The following GPC5 variants were observed in gnomAD, a reference collection of about 807,000 sequenced individuals.
GPC5 encodes the protein glypican-5.
A neutral mutation model predicts 53.9 loss-of-function variants in GPC5; 47 were observed. That is an observed-to-expected ratio of 0.87 (90% CI 0.69 to 1.11). The LOEUF is 1.11. GPC5 is among the 50% of genes most tolerant of loss of function. The pLI, the probability that GPC5 is intolerant of heterozygous loss-of-function variation, is 0.00. For missense variants in GPC5, 748 were observed against 713.1 expected, an observed-to-expected ratio of 1.05 and a Z score of -0.56; for synonymous variants, 286 against 263.3, an observed-to-expected ratio of 1.09 and a Z score of -0.84.
At chr13:92,590,485 C>T (rs1330977487) in intron 7 of GPC5, among the ~76,000 whole-genome samples, 1 of 152,212 alleles carries the variant, frequency 6.6e-6, no homozygotes, top group Non-Finnish European at 1.5e-5. Context: ...AAGGGGATGT[C>T]ATTACTCTCT....
chr13:92,737,440 G>T (rs966046341), intron 7 of GPC5, among the ~76,000 whole-genome samples: 4 of 152,038 alleles, frequency 2.6e-5, no homozygotes, highest in Non-Finnish European at 2.9e-5. Context: ...AAATTCATTT[G>T]ATCCCTTCAT....
At chr13:91,539,830 A>G (rs985960643) in intron 2 of GPC5, among the ~76,000 whole-genome samples, 3 of 152,194 alleles carry the variant, frequency 2.0e-5, no homozygotes, top group Non-Finnish European at 4.4e-5. Context: ...ATACAACATC[A>G]TGGAAATACA....
At chr13:92,164,976 A>G (rs552231146) in intron 7 of GPC5, among the ~76,000 whole-genome samples, 1 of 152,344 alleles carries the variant, frequency 6.6e-6, no homozygotes, top group African/African-American at 2.4e-5. Flanking sequence ...TTTTAGCCAC[A>G]GCTGGGAGAC....
intron 2 of GPC5, among the ~76,000 whole-genome samples, chr13:91,490,642 T>C (rs1883890053): frequency 6.6e-6 from 1 of 152,172 alleles, no homozygotes; most frequent in African/African-American, 2.4e-5. Flanking sequence ...CTTCAATTTC[T>C]TAACACAATA....
At chr13:91,719,219 T>A (rs2036412337) in intron 3 of GPC5, among the ~76,000 whole-genome samples, 1 of 152,230 alleles carries the variant, frequency 6.6e-6, no homozygotes, top group Non-Finnish European at 1.5e-5. Context: ...CAGTTGCCCG[T>A]TTGCTCTGGT....
intron 2 of GPC5, among the ~76,000 whole-genome samples, chr13:91,590,871 T>G (rs1051566377): frequency 1.3e-5 from 2 of 152,226 alleles, no homozygotes; most frequent in African/African-American, 4.8e-5. Context: ...TGATTGAACC[T>G]CTCCTTAAAG....
chr13:92,530,259 T>C (rs1199683874), intron 7 of GPC5, among the ~76,000 whole-genome samples: 5 of 152,088 alleles, frequency 3.3e-5, no homozygotes, highest in African/African-American at 1.2e-4. Flanking sequence ...TGTTAAAAAG[T>C]GCTACTTTTT....
At chr13:92,328,493 A>G (rs1251110814) in intron 7 of GPC5, among the ~76,000 whole-genome samples, 1 of 152,200 alleles carries the variant, frequency 6.6e-6, no homozygotes, top group Non-Finnish European at 1.5e-5. Context: ...TTAGACGTAG[A>G]GGAATAAGAG....
At chr13:91,686,657 G>A (rs988207271) in intron 2 of GPC5, among the ~76,000 whole-genome samples, 2 of 151,878 alleles carry the variant, frequency 1.3e-5, no homozygotes, top group African/African-American at 2.4e-5. Context: ...AAATTATTCA[G>A]AAGTACTTCT....
chr13:92,455,571 A>AG (rs1878231823), intron 7 of GPC5, among the ~76,000 whole-genome samples: 1 of 152,212 alleles, frequency 6.6e-6, no homozygotes, highest in Non-Finnish European at 1.5e-5. Context: ...TGATGGAGTA[A>AG]GACATAGGAA....
intron 7 of GPC5, among the ~76,000 whole-genome samples, chr13:92,848,627 G>A (rs958032829): frequency 6.6e-6 from 1 of 152,044 alleles, no homozygotes; most frequent in African/African-American, 2.4e-5. Context: ...AGACATATAT[G>A]ACTCTCTGTG....
intron 2 of GPC5, among the ~76,000 whole-genome samples, chr13:91,490,152 A>C (rs1883859422): frequency 6.6e-6 from 1 of 152,168 alleles, no homozygotes; most frequent in Non-Finnish European, 1.5e-5. Context: ...AGAATGAATA[A>C]TTGGAGAGGG....
intron 6 of GPC5, among the ~76,000 whole-genome samples, chr13:92,020,614 G>C (rs1334786005): frequency 2.0e-5 from 3 of 150,308 alleles, no homozygotes; most frequent in Non-Finnish European, 3.0e-5. Context: ...TATACCTGTT[G>C]GCCATTTGTA....
At chr13:92,748,311 T>TTATTATTATTA (rs1889289253) in intron 7 of GPC5, among the ~76,000 whole-genome samples, 2 of 142,352 alleles carry the variant, frequency 1.4e-5, no homozygotes, top group South Asian at 2.2e-4. Context: ...TGCATTTTAT[T>TTATTATTATTA]TTATTATTAT....
rs1368454069 is a variant in GPC5, at chr13:91,976,868, C to T, written c.1401+68811C>T. On this transcript the variant is annotated intron_variant, in intron 6 of 7. Transcript: ENST00000377067. Reference sequence around the variant, plus strand: ...CAGCCTGGCCAACATGGTGAAACCCCGTCTCTACTAAAAACACAAAAATTA... The same window carrying T: ...CAGCCTGGCCAACATGGTGAAACCCTGTCTCTACTAAAAACACAAAAATTA... Among the ~76,000 whole-genome samples, 6 of 151,994 alleles carry T rather than the reference C, an allele frequency of 3.9e-5. No homozygotes were observed. In the East Asian group the frequency reaches 9.7e-4, roughly 25 times the overall value.
At chr13:91,768,826 T>G (rs2037570852) in intron 5 of GPC5, among the ~76,000 whole-genome samples, 1 of 152,186 alleles carries the variant, frequency 6.6e-6, no homozygotes, top group Non-Finnish European at 1.5e-5. Flanking sequence ...ATTGAGTCAT[T>G]GCCATTTAAT....
chr13:92,721,807 G>A (rs556660726), intron 7 of GPC5, among the ~76,000 whole-genome samples: 106 of 151,986 alleles, frequency 7.0e-4, no homozygotes, highest in Non-Finnish European at 1.2e-3. Flanking sequence ...AACAGAGGGG[G>A]GTTCATAAAA....
intron 6 of GPC5, among the ~76,000 whole-genome samples, chr13:92,079,743 T>C (rs2041280596): frequency 6.6e-6 from 1 of 152,248 alleles, no homozygotes; most frequent in Non-Finnish European, 1.5e-5. Context: ...AATTAATCAG[T>C]TCTTGCCATT....
At chr13:91,407,302 T>A (rs959847253) in intron 1 of GPC5, among the ~76,000 whole-genome samples, 1 of 152,216 alleles carries the variant, frequency 6.6e-6, no homozygotes, top group Non-Finnish European at 1.5e-5. Context: ...TTAAAGGACT[T>A]TTTATCTGCT....
Sources: allele counts gnomAD v4.1 joint callset (sites outside exome capture counted in the v4.1 genomes callset), GRCh38; gene constraint gnomAD v4.1.1; transcripts MANE v1.5; gene names NCBI Gene and HGNC (gene_info 2026-07-23, HGNC 2026-07-21).